The following MAP1S variants were observed in gnomAD, a reference collection of about 807,000 sequenced individuals.
MAP1S encodes the protein microtubule-associated protein 1S.
A neutral mutation model predicts 60.9 loss-of-function variants in MAP1S; 27 were observed. That is an observed-to-expected ratio of 0.44 (90% CI 0.33 to 0.61). The LOEUF (loss-of-function observed/expected upper bound fraction) is 0.61. MAP1S is among the 20% of genes least tolerant of loss of function. The pLI is 0.03. For missense variants in MAP1S, 1,608 were observed against 1,486.6 expected, an observed-to-expected ratio of 1.08 and a Z score of -1.34; for synonymous variants, 826 against 694.2, an observed-to-expected ratio of 1.19 and a Z score of -2.98.
chr19:17,723,023 C>G (rs1019611417), intron 2 of MAP1S, among the ~76,000 whole-genome samples: 3 of 152,056 alleles, frequency 2.0e-5, no homozygotes, highest in Non-Finnish European at 4.4e-5. Flanking sequence ...GGCCCCCACC[C>G]CGGCTCTGGC....
chr19:17,725,053 G>A lies in MAP1S; in HGVS notation c.308G>A (p.Arg103Gln), dbSNP rs140921919. 7 of 1,614,158 alleles carry A rather than the reference G, an allele frequency of 4.3e-6. 1 individual carries two copies. Among genetic ancestry groups the A allele is most frequent in the East Asian group, 2.2e-5 (1 of 44,874 alleles). The stretch of plus-strand genomic sequence containing the variant: ...AGTGTTCACCCCCTCCCTCAGCTCC[G>A]GAACCTTCTGTTGGACCCTGCCTCT... ...PSDKSLYDEL[R>Q]NLLLDPASHK... The change falls in exon 4 of 7, where the codon CGG (arginine) becomes CAG (glutamine). Residue 103 changes from arginine to glutamine, a missense_variant. By Grantham distance (43) the Arg-to-Gln change is conservative. Around this residue, in one of 4 missense-constraint regions of MAP1S, gnomAD observed 320 missense variants for 393.1 expected, o/e 0.81. Transcript: ENST00000324096. The surrounding 1 kb of genome is among the most constrained non-coding windows in gnomAD (Gnocchi z 4.2).
At chr19:17,731,781 T>G (rs1410133544) in intron 5 of MAP1S, among the ~76,000 whole-genome samples, 1 of 152,256 alleles carries the variant, frequency 6.6e-6, no homozygotes, top group Non-Finnish European at 1.5e-5. Context: ...TTCTCCTGCC[T>G]CTGCCTCCCG....
chr19:17,722,647 A>G (rs1414361662), intron 2 of MAP1S, among the ~76,000 whole-genome samples: 1 of 150,278 alleles, frequency 6.7e-6, no homozygotes, highest in Non-Finnish European at 1.5e-5. Flanking sequence ...TACTTGGGAG[A>G]CTGAGGTTGG....
At chr19:17,720,276 T>G in intron 1 of MAP1S, 1 of 1,420,476 alleles carries the variant, frequency 7.0e-7, no homozygotes, top group Non-Finnish European at 9.2e-7. Flanking sequence ...CATCTGGACC[T>G]GGCGTTTCAT....
chr19:17,726,823 A>G lies in MAP1S; in HGVS notation c.1439A>G (p.Asp480Gly), dbSNP rs2080431455. ...AESKESVGSR[D>G]SSKREGLLAT... is the part of the protein sequence containing the mutation. ...AGCAAAGAGAGCGTGGGCTCCCGGG[A>G]CAGCTCGAAGAGAGAGGGCCTCCTG... The change falls in exon 5 of 7, where the codon GAC becomes GGC. Residue 480 changes from aspartate (D) to glycine (G), a missense_variant. By Grantham distance (94) the Asp-to-Gly change is moderately conservative. Around this residue, in one of 4 missense-constraint regions of MAP1S, gnomAD observed 1,167 missense variants for 961.4 expected, o/e 1.21. Coordinates refer to ENST00000324096, the MANE Select transcript of MAP1S (RefSeq NM_018174.6). 2.6e-6 allele frequency: 4 copies of G among 1,555,808 alleles called. No individual in the cohort carries two copies. The highest frequency in any genetic ancestry group is 3.5e-6 in the Non-Finnish European group (4 of 1,150,482).
At chr19:17,720,490 T>C in intron 1 of MAP1S, 2 of 1,522,760 alleles carry the variant, frequency 1.3e-6, no homozygotes, top group Middle Eastern at 1.7e-4. Flanking sequence ...CCAGCTCACA[T>C]GGTGTCAGGA....
rs948979492 is a variant in MAP1S at position 17,719,519 on chromosome 19, G to C, written c.17G>C (p.Gly6Ala). MAAVA[G>A]SGAAAAPSSL... ...GGCCCGAAGATGGCGGCGGTGGCTG[G>C]ATCTGGGGCTGCCGCGGCTCCGAGC... The change falls in exon 1 of 7, where the codon GGA becomes GCA. Residue 6 changes from glycine (G) to alanine (A), a missense_variant. Physicochemically the swap from Gly to Ala is moderately conservative, Grantham distance 60 (BLOSUM62 0). Around this residue, in one of 4 missense-constraint regions of MAP1S, gnomAD observed 45 missense variants for 22.0 expected, o/e 2.04. Transcript: ENST00000324096. 2.1e-5 allele frequency: 26 copies of C among 1,245,724 alleles called. No homozygotes were observed. The highest frequency in any genetic ancestry group is 1.2e-4 in the African/African-American group (8 of 64,386). 77.2% of individuals were successfully genotyped at this position (1,245,724 alleles called of 1,614,324 possible). A position where few individuals can be genotyped will look rare whatever the true frequency, so the allele number is the denominator to read the frequency against.
intron 6 of MAP1S, among the ~76,000 whole-genome samples, chr19:17,733,758 G>C (rs2080514347): frequency 6.6e-6 from 1 of 152,222 alleles, no homozygotes; most frequent in African/African-American, 2.4e-5. Flanking sequence ...GGTGGTATCT[G>C]TGCGGCTGAG....
chr19:17,726,542 G>T lies in MAP1S; in HGVS notation c.1158G>T (p.Glu386Asp). 4.5e-6 allele frequency: 7 copies of T among 1,572,828 alleles called. No homozygotes were observed. The highest frequency in any genetic ancestry group is 6.0e-6 in the Non-Finnish European group (7 of 1,164,022). The change falls in exon 5 of 7, where the codon GAG (glutamate) becomes GAT (aspartate). Residue 386 changes from glutamate (E) to aspartate (D), a missense_variant. Around this residue, in one of 4 missense-constraint regions of MAP1S, gnomAD observed 1,167 missense variants for 961.4 expected, o/e 1.21. Coordinates refer to ENST00000324096, the MANE Select transcript of MAP1S (RefSeq NM_018174.6). Reference protein sequence around the residue: ...PVPAKPTVLFEKMGVGRLDMY... With the variant: ...PVPAKPTVLFDKMGVGRLDMY... ...CAGCCAAACCCACCGTGCTCTTCGA[G>T]AAGATGGGCGTGGGCCGGCTGGACA...
intron 2 of MAP1S, among the ~76,000 whole-genome samples, chr19:17,722,371 T>C (rs1001977267): frequency 6.6e-6 from 1 of 152,204 alleles, no homozygotes; most frequent in Non-Finnish European, 1.5e-5. Context: ...AGGATCGCTT[T>C]TACCCAGGAG....
rs139015857 is a variant in MAP1S, at chr19:17,723,548, C to CA, written c.221-569dup. On this transcript the variant is annotated intron_variant, in intron 2 of 6. Transcript: ENST00000324096. ...GGGCAACAAGAGCAAAACTCCGTCT[C>CA]AAAAAAAAAGAAAAGAAAAAGGCCG... Among the ~76,000 whole-genome samples the CA allele has an allele frequency of 2.4e-4, 35 of 145,150 alleles. 1 individual carries two copies. Among genetic ancestry groups the CA allele is most frequent in the South Asian group, 1.3e-3 (6 of 4,524 alleles).
At chr19:17,733,503 G>A (rs2080512056) in intron 6 of MAP1S, 75 bp downstream of exon 6, 2 of 1,283,130 alleles carry the variant, frequency 1.6e-6, no homozygotes, top group South Asian at 1.5e-5. Context: ...GACCCTCAGA[G>A]ACTAAGCTGT....
rs12983721 is a variant in MAP1S at position 17,726,703 on chromosome 19, G to A, written c.1319G>A (p.Cys440Tyr). Residue 440 changes from cysteine to tyrosine, a missense_variant, in exon 5 of 7, where the codon TGC becomes TAC. By Grantham distance (194) the Cys-to-Tyr change is radical. This residue lies in a region of MAP1S where 1,167 missense variants were observed against 961.4 expected (regional missense o/e 1.21). Coordinates refer to ENST00000324096, the MANE Select transcript of MAP1S (RefSeq NM_018174.6). ...TTCCCCGGTTGCACCCCGCCCGCCT[G>A]CCTCCTGGACGGCCTGGTCCGCCTG... ...VLFPGCTPPA[C>Y]LLDGLVRLQH... 412,476 of 1,588,676 alleles carry A rather than the reference G, an allele frequency of 0.26. 58,068 individuals carry two copies. The highest frequency in any genetic ancestry group is 0.28 in the Non-Finnish European group (329,892 of 1,170,902).
chr19:17,727,448 C>T lies in MAP1S; in HGVS notation c.2064C>T (p.Ser688=), dbSNP rs1347315730. ...TTPSLPAEVG[S]PHSTEVDESL... ...CCTCACTACCCGCAGAGGTGGGCTC[C>T]CCGCACTCGACCGAGGTGGACGAGT... Residue 688 remains serine (S), a synonymous_variant, in exon 5 of 7, where the codon TCC becomes TCT. Transcript: ENST00000324096. This position sits in a 1 kb window ranked among gnomAD's most constrained non-coding sequence, Gnocchi z 4.1. 4.4e-6 allele frequency: 7 copies of T among 1,603,904 alleles called. No homozygotes were observed. The South Asian group carries it at 6.7e-5, about 15-fold the overall frequency.
At chr19:17,720,591 G>T in intron 1 of MAP1S, 1 of 1,313,074 alleles carries the variant, frequency 7.6e-7, no homozygotes, top group Non-Finnish European at 1.0e-6. Flanking sequence ...AGTAGGAACA[G>T]GTGGGGGCGG....
chr19:17,732,302 G>T (rs117793385), intron 5 of MAP1S, among the ~76,000 whole-genome samples: 2,016 of 152,300 alleles, frequency 0.013, 21 homozygotes, highest in Non-Finnish European at 0.021. Context: ...TTCGGCTGAG[G>T]GTATGCATTT....
chr19:17,732,403 C>G (rs1035051847), intron 5 of MAP1S, among the ~76,000 whole-genome samples: 1 of 152,190 alleles, frequency 6.6e-6, no homozygotes, highest in Non-Finnish European at 1.5e-5. Flanking sequence ...TTCTTGTGCC[C>G]GAGACCCAGC....
rs2145974475 is a variant in MAP1S, at chr19:17,725,972, C to T, written c.588C>T (p.Asn196=). ...QGALRLQLRL[N]PPAQLPNSEG... ...CGCTCCGGCTCCAGCTGCGGCTGAA[C>T]CCCCCGGCGCAGCTGCCCAACTCTG... Residue 196 remains asparagine (N), a synonymous_variant, in exon 5 of 7, where the codon AAC becomes AAT. Coordinates refer to ENST00000324096, the MANE Select transcript of MAP1S (RefSeq NM_018174.6). This position sits in a 1 kb window ranked among gnomAD's most constrained non-coding sequence, Gnocchi z 4.2. 2.5e-6 allele frequency: 4 copies of T among 1,611,188 alleles called. No individual in the cohort carries two copies. The highest frequency in any genetic ancestry group is 1.1e-5 in the South Asian group (1 of 90,848).
At chr19:17,729,666 C>T (rs989355217) in intron 5 of MAP1S, among the ~76,000 whole-genome samples, 3 of 151,704 alleles carry the variant, frequency 2.0e-5, no homozygotes, top group Non-Finnish European at 2.9e-5. Flanking sequence ...CCATAACGGC[C>T]AGCTAATTTT....
Sources: allele counts gnomAD v4.1 joint callset (sites outside exome capture counted in the v4.1 genomes callset), GRCh38; gene constraint gnomAD v4.1.1; regional missense constraint gnomAD v4.1.1; non-coding constraint Gnocchi (gnomAD v3.1); transcripts MANE v1.5; gene names NCBI Gene and HGNC (gene_info 2026-07-23, HGNC 2026-07-21).